The following EYS variants were observed in gnomAD, a reference collection of about 807,000 sequenced individuals.
EYS encodes the protein protein eyes shut homolog.
In EYS, 250 loss-of-function variants were observed where a neutral mutation model predicts 282.1. The ratio of observed to expected loss-of-function variants is 0.89; its 90% confidence interval spans 0.80 to 0.98. The LOEUF (loss-of-function observed/expected upper bound fraction) is 0.98, where lower values mean the gene tolerates loss of function less well. Among genes scored for constraint, EYS ranks in the 50% least tolerant of loss-of-function variants. EYS has a pLI of 0.00. For missense variants in EYS, 4,016 were observed against 3,709.0 expected (o/e 1.08, Z -2.15); for synonymous variants, 1,355 against 1,282.9 (o/e 1.06, Z -1.20).
At chr6:65,587,891 T>C (rs1765109518) in intron 2 of EYS, among the ~76,000 whole-genome samples, 1 of 152,078 alleles carries the variant, frequency 6.6e-6, no homozygotes, top group Non-Finnish European at 1.5e-5. Flanking sequence ...TGGATGAAGT[T>C]CCAAGATTTG....
intron 23 of EYS, among the ~76,000 whole-genome samples, chr6:64,621,394 T>C (rs1432716727): frequency 6.6e-6 from 1 of 152,182 alleles, no homozygotes; most frequent in Non-Finnish European, 1.5e-5. Context: ...AAAATAATTT[T>C]GTCTAACTAG....
intron 2 of EYS, among the ~76,000 whole-genome samples, chr6:65,513,276 T>G (rs1159684906): frequency 6.6e-6 from 1 of 152,010 alleles, no homozygotes; most frequent in Non-Finnish European, 1.5e-5. Context: ...AATAACAGGC[T>G]CTGAAATTGT....
chr6:64,274,381 A>G (rs1242643338), intron 30 of EYS, among the ~76,000 whole-genome samples: 2 of 151,024 alleles, frequency 1.3e-5, no homozygotes, highest in African/African-American at 2.4e-5. Context: ...CATTTTGCCC[A>G]GGCTGGTCTC....
intron 8 of EYS, among the ~76,000 whole-genome samples, chr6:65,367,619 G>T (rs770877516): frequency 6.6e-5 from 10 of 151,238 alleles, no homozygotes; most frequent in South Asian, 2.1e-4. Flanking sequence ...ACTTACAAAA[G>T]TTCCGCTGAA....
chr6:64,374,043 C>T (rs1772481723), intron 29 of EYS, among the ~76,000 whole-genome samples: 1 of 151,982 alleles, frequency 6.6e-6, no homozygotes, highest in Non-Finnish European at 1.5e-5. Context: ...GAAGCAGGAC[C>T]ACTTGGCTGG....
At chr6:64,578,688 A>G (rs114792624) in intron 26 of EYS, among the ~76,000 whole-genome samples, 2,348 of 151,998 alleles carry the variant, frequency 0.015, 57 homozygotes, top group African/African-American at 0.055. Flanking sequence ...TAAGCTCCAG[A>G]GGGCATAAAA....
At chr6:65,483,809 G>A (rs1765689751) in intron 5 of EYS, among the ~76,000 whole-genome samples, 2 of 152,136 alleles carry the variant, frequency 1.3e-5, no homozygotes, top group South Asian at 4.1e-4. Context: ...CACAATCCTG[G>A]TGGAAGGCAA....
chr6:65,622,860 G>T (rs958657946), intron 2 of EYS, among the ~76,000 whole-genome samples: 1 of 151,072 alleles, frequency 6.6e-6, no homozygotes, highest in Non-Finnish European at 1.5e-5. Flanking sequence ...CGGGTCCGGT[G>T]GTCCTCCCAA....
chr6:64,771,808 A>G (rs1482457356), intron 22 of EYS, among the ~76,000 whole-genome samples: 1 of 151,796 alleles, frequency 6.6e-6, no homozygotes, highest in East Asian at 1.9e-4. Flanking sequence ...CATGTCTCAA[A>G]AGAAGGCTCC....
intron 26 of EYS, among the ~76,000 whole-genome samples, chr6:64,482,995 T>C (rs1243861988): frequency 1.3e-5 from 2 of 151,578 alleles, no homozygotes; most frequent in Non-Finnish European, 3.0e-5. Flanking sequence ...TATCAACAAA[T>C]TTATCAAGAT....
intron 11 of EYS, among the ~76,000 whole-genome samples, chr6:65,320,685 G>A (rs979128375): frequency 6.6e-6 from 1 of 152,188 alleles, no homozygotes; most frequent in Non-Finnish European, 1.5e-5. Context: ...TTATAGTTCT[G>A]CCAGTAGATA....
intron 35 of EYS, among the ~76,000 whole-genome samples, chr6:63,869,199 G>C (rs1362488614): frequency 6.6e-5 from 10 of 152,068 alleles, no homozygotes; most frequent in Admixed American, 6.6e-4. Flanking sequence ...GCAAATAAAA[G>C]TCATAGAATG....
chr6:65,580,543 A>T (rs953004824), intron 2 of EYS, among the ~76,000 whole-genome samples: 1 of 152,226 alleles, frequency 6.6e-6, no homozygotes, highest in Middle Eastern at 3.4e-3. Context: ...AAATATAACT[A>T]ATCAGTCATA....
At chr6:65,203,560 C>T (rs1765956459) in intron 12 of EYS, among the ~76,000 whole-genome samples, 3 of 152,010 alleles carry the variant, frequency 2.0e-5, no homozygotes, top group Non-Finnish European at 4.4e-5. Flanking sequence ...GTCACACTCT[C>T]AAGGAGGAAG....
intron 29 of EYS, among the ~76,000 whole-genome samples, chr6:64,354,148 A>G (rs951104775): frequency 3.3e-5 from 5 of 151,768 alleles, no homozygotes; most frequent in Middle Eastern, 3.4e-3. Flanking sequence ...GTAACACGAT[A>G]GAGTATTAGA....
chr6:64,218,208 C>T (rs947757275), intron 31 of EYS, among the ~76,000 whole-genome samples: 1 of 152,148 alleles, frequency 6.6e-6, no homozygotes, highest in African/African-American at 2.4e-5. Flanking sequence ...CTCAATACTG[C>T]CAGGTGAATT....
At position 64,653,443 on chromosome 6, in the gene EYS, A is replaced by G. The variant is rs542648937; in HGVS notation, c.3444-27198T>C. On this transcript the variant is annotated intron_variant, in intron 22 of 42. Transcript: ENST00000503581. ...AGTGACTGTCTCAGTTATTGGGAAT[A>G]TATTAGGCGGGTTAATACTCAATTT... Among the ~76,000 whole-genome samples, 10 of 152,334 alleles carry G rather than the reference A, an allele frequency of 6.6e-5. No individual in the cohort carries two copies. In the East Asian group the frequency reaches 1.9e-3, roughly 29 times the overall value.
At chr6:65,655,066 C>T (rs1767773736) in intron 1 of EYS, among the ~76,000 whole-genome samples, 1 of 145,442 alleles carries the variant, frequency 6.9e-6, no homozygotes, top group Non-Finnish European at 1.5e-5. Context: ...CTATTCATAA[C>T]AGGAATTTGT....
chr6:63,879,498 C>A, intron 35 of EYS, among the ~76,000 whole-genome samples: 1 of 152,170 alleles, frequency 6.6e-6, no homozygotes, highest in East Asian at 1.9e-4. Context: ...AAAGTTTGCA[C>A]TAAAAGCTTT....
Sources: gnomAD v4.1 joint callset for allele counts (sites outside exome capture counted in the v4.1 genomes callset) on GRCh38, gnomAD v4.1.1 for gene constraint, MANE v1.5 for transcripts, NCBI Gene and HGNC (gene_info 2026-07-23, HGNC 2026-07-21) for gene names.